RICTOR: variants seen among roughly 807,000 people sequenced by gnomAD.
RICTOR encodes the protein RPTOR independent companion of MTOR complex 2.
In RICTOR, 49 loss-of-function variants were observed where a neutral mutation model predicts 214.9. The ratio of observed to expected loss-of-function variants is 0.23; its 90% confidence interval spans 0.18 to 0.29. The LOEUF (loss-of-function observed/expected upper bound fraction) is 0.29. Ranked by LOEUF, RICTOR falls within the 10% of genes least tolerant of loss-of-function variation. RICTOR has a pLI of 1.00. For synonymous variants in RICTOR, 717 were observed against 711.3 expected, an observed-to-expected ratio of 1.01 and a Z score of -0.13; for missense variants, 1,625 against 2,047.0, an observed-to-expected ratio of 0.79 and a Z score of 3.98.
Position 38,978,656 on chromosome 5 carries a change from T to TAA in RICTOR, c.754-8_754-7dup. 97 of 1,145,688 alleles carry TAA rather than the reference T, an allele frequency of 8.5e-5. No individual in the cohort carries two copies. Among genetic ancestry groups the TAA allele is most frequent in the Middle Eastern group, 2.4e-4 (1 of 4,188 alleles). The allele number at this position is 1,145,688 out of a possible 1,614,324, so 71.0% of individuals were successfully genotyped here. On this transcript the variant is annotated splice_polypyrimidine_tract_variant and splice_region_variant and intron_variant, in intron 8 of 37. Transcript: ENST00000357387. The stretch of plus-strand genomic sequence containing the variant: ...GTATAGGGTGCTAAAATTCTCTATT[T>TAA]AAAAAAAAAAAGGAAGAAAAGAGTC...
chr5:38,946,727 TTATTA>T (rs1247338686), intron 32 of RICTOR, among the ~76,000 whole-genome samples, 175 bp from the exon 33 acceptor site: 4 of 152,274 alleles, frequency 2.6e-5, no homozygotes, highest in South Asian at 2.1e-4. Flanking sequence ...CAAAAAGTCC[TTATTA>T]TATTATTAGT....
At position 39,013,202 on chromosome 5, in the gene RICTOR, C is replaced by A. The variant is rs190387828; in HGVS notation, c.195+7837G>T. ...ATTACTTATAAACAAGTTAAACTTT[C>A]AGTATCTTAAGTCCACAATTATTTT... On this transcript the variant is annotated intron_variant, in intron 3 of 37. Coordinates refer to ENST00000357387, the MANE Select transcript of RICTOR (RefSeq NM_152756.5). Among the ~76,000 whole-genome samples, 4 of 152,216 alleles carry A rather than the reference C, an allele frequency of 2.6e-5. No individual in the cohort carries two copies. In the East Asian group the frequency reaches 7.7e-4, roughly 29 times the overall value.
chr5:39,014,490 C>T (rs988720984), intron 3 of RICTOR, among the ~76,000 whole-genome samples: 1 of 151,880 alleles, frequency 6.6e-6, no homozygotes, highest in Non-Finnish European at 1.5e-5. Flanking sequence ...ATTTTTTTTA[C>T]TCAGCTTATA....
rs1373727674 is a variant in RICTOR, at chr5:38,939,609, A to T, written c.*2695T>A. ...AAATCTGTTCTTGAAAAAAAGTTCAATTAGAAATAACAATTCACTTTACGA... is the reference window on the plus strand; with the variant it reads ...AAATCTGTTCTTGAAAAAAAGTTCATTTAGAAATAACAATTCACTTTACGA... On this transcript the variant is annotated 3_prime_UTR_variant, in exon 38 of 38. Transcript: ENST00000357387. 1 of 231,550 alleles carries T rather than the reference A, an allele frequency of 4.3e-6. No homozygotes were observed. Among genetic ancestry groups the T allele is most frequent in the African/African-American group, 2.2e-5 (1 of 45,276 alleles). The allele number at this position is 231,550 out of a possible 1,614,324, so 14.3% of individuals were successfully genotyped here.
chr5:39,040,862 TA>T (rs1350707514), intron 2 of RICTOR, among the ~76,000 whole-genome samples: 5 of 152,140 alleles, frequency 3.3e-5, no homozygotes, highest in Non-Finnish European at 5.9e-5. Flanking sequence ...GGAACATTAA[TA>T]AATATATGAT....
intron 32 of RICTOR, 94 bp downstream of exon 32, chr5:38,947,170 G>A: frequency 1.2e-6 from 1 of 853,306 alleles, no homozygotes; most frequent in Non-Finnish European, 1.9e-6. Context: ...CCAAACTGGT[G>A]CCCACCCTAA....
chr5:38,992,678 C>A (rs1752875276), intron 6 of RICTOR, among the ~76,000 whole-genome samples: 2 of 152,068 alleles, frequency 1.3e-5, no homozygotes, highest in South Asian at 4.1e-4. Context: ...AAAATTTTTA[C>A]AAATAAAATC....
At chr5:38,962,440 A>C in intron 18 of RICTOR, 45 bp downstream of exon 18, 1 of 1,184,790 alleles carries the variant, frequency 8.4e-7, no homozygotes, top group South Asian at 1.4e-5. Context: ...TATAATTAAT[A>C]ATAAAATTAA....
rs1193585982 is a variant in RICTOR, at chr5:39,074,315, T to G, written c.49+14A>C. On this transcript the variant is annotated intron_variant, in intron 1 of 37. Transcript: ENST00000357387. ...GCGCCGGGCGGTGGGGAGTGAGGGT[T>G]GCAGCGGGCTTACCTCGTACTCGGA... 12 of 1,549,260 alleles carry G rather than the reference T, an allele frequency of 7.7e-6. No homozygotes were observed. The highest frequency in any genetic ancestry group is 2.0e-5 in the Admixed American group (1 of 50,252).
At chr5:39,048,995 A>C (rs907352769) in intron 2 of RICTOR, among the ~76,000 whole-genome samples, 4 of 152,222 alleles carry the variant, frequency 2.6e-5, no homozygotes, top group African/African-American at 9.6e-5. Flanking sequence ...AAAACAAACA[A>C]GAGAGACTCT....
At chr5:38,979,418 CATG>C (rs1561486646) in intron 8 of RICTOR, among the ~76,000 whole-genome samples, 1 of 152,190 alleles carries the variant, frequency 6.6e-6, no homozygotes, top group Non-Finnish European at 1.5e-5. Flanking sequence ...TTTTAACAGT[CATG>C]ATTCTTTTAA....
In RICTOR at chr5:38,967,288, A is replaced by G. The variant is rs368776404; in HGVS notation, c.1151+49T>C. On this transcript the variant is annotated intron_variant, in intron 13 of 37. Transcript: ENST00000357387. Reference sequence around the variant, plus strand: ...TTTCATAGATTACACAGTCTAACATAAAAACCCGAATTCTAATAAATTGAA... The same window carrying G: ...TTTCATAGATTACACAGTCTAACATGAAAACCCGAATTCTAATAAATTGAA... 13 of 1,596,162 alleles carry G rather than the reference A, an allele frequency of 8.1e-6. No individual in the cohort carries two copies. In the African/African-American group the frequency reaches 1.6e-4, roughly 20 times the overall value.
In RICTOR at chr5:38,944,895, T is replaced by G; in HGVS notation, c.4789+18A>C. 2 of 1,609,438 alleles carry G rather than the reference T, an allele frequency of 1.2e-6. No homozygotes were observed. Among genetic ancestry groups the G allele is most frequent in the East Asian group, 2.2e-5 (1 of 44,850 alleles). On this transcript the variant is annotated intron_variant, in intron 35 of 37. Coordinates refer to ENST00000357387, the MANE Select transcript of RICTOR (RefSeq NM_152756.5). The stretch of plus-strand genomic sequence containing the variant: ...ACAGTTTTACTAATAATGATTGGAT[T>G]TGAATCTGAAGACTCACCTAGTAAC...
chr5:39,007,077 A>ATACC (rs1561525278), intron 3 of RICTOR, among the ~76,000 whole-genome samples: 1 of 152,158 alleles, frequency 6.6e-6, no homozygotes, highest in East Asian at 1.9e-4. Flanking sequence ...AACCAACCAT[A>ATACC]TACCTAAAAT....
intron 7 of RICTOR, 110 bp from the exon 8 acceptor site, chr5:38,982,146 C>T (rs956289972): frequency 1.4e-6 from 1 of 706,774 alleles, no homozygotes; most frequent in African/African-American, 1.8e-5. Context: ...TTTCTAATAC[C>T]AACATTTATA....
intron 8 of RICTOR, among the ~76,000 whole-genome samples, chr5:38,979,601 G>T (rs1012317118): frequency 2.0e-5 from 3 of 152,118 alleles, no homozygotes; most frequent in Non-Finnish European, 4.4e-5. Context: ...GTCTAGGAGA[G>T]GCTTGGCTAC....
At position 38,952,389 on chromosome 5, in the gene RICTOR, G is replaced by A. The variant is rs1748870234; in HGVS notation, c.2934C>T (p.Thr978=). Residue 978 remains threonine, a synonymous_variant, in exon 30 of 38, where the codon ACC becomes ACT. Transcript: ENST00000357387. ...ATTTTAGAATATCACAGCCTTGTTT[G>A]GTTTTAGCTATGAGCCCAAGTACAT... is the stretch of plus-strand genomic sequence containing the variant. The part of the protein sequence containing the change: ...CVYVLGLIAK[T]KQGCDILKCH... 10 of 1,612,448 alleles carry A rather than the reference G, an allele frequency of 6.2e-6. No individual in the cohort carries two copies. The highest frequency in any genetic ancestry group is 8.5e-6 in the Non-Finnish European group (10 of 1,178,956).
chr5:39,016,103 A>G (rs779365292), intron 3 of RICTOR, among the ~76,000 whole-genome samples: 51 of 152,338 alleles, frequency 3.3e-4, no homozygotes, highest in Non-Finnish European at 1.9e-4. Context: ...AATTCTAATA[A>G]GTTTGGCTAT....
At chr5:38,945,144 G>A in intron 34 of RICTOR, 76 bp from the exon 35 acceptor site, 1 of 1,018,708 alleles carries the variant, frequency 9.8e-7, no homozygotes, top group Non-Finnish European at 1.5e-6. Flanking sequence ...ATGCTAAAAA[G>A]AAATAATATA....
Sources: gnomAD v4.1 joint callset for allele counts (sites outside exome capture counted in the v4.1 genomes callset) on GRCh38, gnomAD v4.1.1 for gene constraint, MANE v1.5 for transcripts, NCBI Gene and HGNC (gene_info 2026-07-23, HGNC 2026-07-21) for gene names.